PCDH9: variants seen among roughly 807,000 people sequenced by gnomAD.
PCDH9 encodes protocadherin-9.
Under a neutral mutation model 70.6 loss-of-function variants are expected in PCDH9, and 24 were observed. That is an observed-to-expected ratio of 0.34 (90% CI 0.25 to 0.48). The LOEUF (loss-of-function observed/expected upper bound fraction) is 0.48. Ranked by LOEUF, PCDH9 falls within the 20% of genes least tolerant of loss-of-function variation. PCDH9 has a pLI of 0.99. For synonymous variants in PCDH9, 562 were observed against 558.5 expected (o/e 1.01, Z -0.09); for missense variants, 1,281 against 1,503.6 (o/e 0.85, Z 2.45).
intron 3 of PCDH9, among the ~76,000 whole-genome samples, chr13:66,751,376 G>T (rs373305466): frequency 1.8e-4 from 28 of 151,960 alleles, no homozygotes; most frequent in Non-Finnish European, 3.4e-4. Context: ...TTAATGTCAA[G>T]ACATAAAATA....
At chr13:66,859,855 A>C (rs923862808) in intron 3 of PCDH9, among the ~76,000 whole-genome samples, 47 of 152,114 alleles carry the variant, frequency 3.1e-4, no homozygotes, top group African/African-American at 1.1e-3. Context: ...ATGCACCCCT[A>C]CTAATACAAA....
chr13:66,763,819 G>A (rs73210208), intron 3 of PCDH9, among the ~76,000 whole-genome samples: 9,209 of 151,512 alleles, frequency 0.061, 385 homozygotes, highest in East Asian at 0.14. Flanking sequence ...TTTTTGAGAC[G>A]GAGTCCTGAT....
intron 4 of PCDH9, among the ~76,000 whole-genome samples, chr13:66,578,490 A>G (rs1038933325): frequency 3.9e-5 from 6 of 152,118 alleles, no homozygotes; most frequent in Middle Eastern, 3.4e-3. Context: ...ATCATTCTAC[A>G]TGTTTGTTGA....
chr13:66,888,384 C>T (rs2139559584), intron 3 of PCDH9, among the ~76,000 whole-genome samples: 1 of 151,870 alleles, frequency 6.6e-6, no homozygotes, highest in East Asian at 1.9e-4. Flanking sequence ...AACTTGCAGT[C>T]CCAGCTACTC....
At chr13:66,480,162 T>C (rs1958811996) in intron 4 of PCDH9, among the ~76,000 whole-genome samples, 1 of 152,126 alleles carries the variant, frequency 6.6e-6, no homozygotes, top group Non-Finnish European at 1.5e-5. Context: ...CTCTCACAGA[T>C]TACTTTGAGA....
At chr13:66,610,364 T>C (rs1413507274) in intron 4 of PCDH9, among the ~76,000 whole-genome samples, 1 of 152,118 alleles carries the variant, frequency 6.6e-6, no homozygotes, top group Non-Finnish European at 1.5e-5. Context: ...TTCAATTTGC[T>C]TGATTCTGAA....
At chr13:66,723,785 A>G (rs754598900) in intron 3 of PCDH9, among the ~76,000 whole-genome samples, 8 of 152,222 alleles carry the variant, frequency 5.3e-5, no homozygotes, top group Non-Finnish European at 8.8e-5. Flanking sequence ...ACAGTGCAAC[A>G]TGCCCAGAAT....
At chr13:66,339,774 C>A (rs1593825231) in intron 4 of PCDH9, among the ~76,000 whole-genome samples, 1 of 152,108 alleles carries the variant, frequency 6.6e-6, no homozygotes, top group Admixed American at 6.6e-5. Flanking sequence ...TCTATCCACA[C>A]TTTGGAGGCA....
intron 3 of PCDH9, among the ~76,000 whole-genome samples, chr13:66,818,030 T>C (rs1410464054): frequency 6.6e-6 from 1 of 152,184 alleles, no homozygotes; most frequent in African/African-American, 2.4e-5. Context: ...TACAAATAAA[T>C]CACTGATGCT....
chr13:66,770,645 G>A (rs1401115800), intron 3 of PCDH9, among the ~76,000 whole-genome samples: 5 of 152,130 alleles, frequency 3.3e-5, no homozygotes, highest in Non-Finnish European at 5.9e-5. Flanking sequence ...ATTAAACCCA[G>A]GGATAAGTCA....
intron 4 of PCDH9, among the ~76,000 whole-genome samples, chr13:66,493,027 C>G (rs1449875179): frequency 6.6e-6 from 1 of 152,058 alleles, no homozygotes; most frequent in African/African-American, 2.4e-5. Context: ...AAACTGCGAT[C>G]TAGACTAGAA....
chr13:67,178,987 T>C (rs2088541633), intron 2 of PCDH9, among the ~76,000 whole-genome samples: 1 of 152,240 alleles, frequency 6.6e-6, no homozygotes, highest in East Asian at 1.9e-4. Context: ...CCAGTTCTAC[T>C]GTAAAGTCCA....
At chr13:66,759,330 G>T (rs1050423104) in intron 3 of PCDH9, among the ~76,000 whole-genome samples, 1 of 151,802 alleles carries the variant, frequency 6.6e-6, no homozygotes, top group Non-Finnish European at 1.5e-5. Context: ...GTTGCCATTT[G>T]CTTGGAATAT....
chr13:66,556,916 T>C (rs1293554979), intron 4 of PCDH9, among the ~76,000 whole-genome samples: 1 of 152,154 alleles, frequency 6.6e-6, no homozygotes, highest in Non-Finnish European at 1.5e-5. Context: ...GATTGGCAGC[T>C]ATGTTATATT....
At chr13:66,497,220 C>T (rs1189565265) in intron 4 of PCDH9, among the ~76,000 whole-genome samples, 1 of 151,756 alleles carries the variant, frequency 6.6e-6, no homozygotes, top group Non-Finnish European at 1.5e-5. Context: ...AAGCATGTGT[C>T]ACCACACCTG....
intron 4 of PCDH9, among the ~76,000 whole-genome samples, chr13:66,357,592 T>C (rs1210768426): frequency 6.6e-6 from 1 of 152,068 alleles, no homozygotes; most frequent in Non-Finnish European, 1.5e-5. Flanking sequence ...TAGGAACATA[T>C]ATAACTCCAT....
At chr13:66,776,014 G>A (rs1418297971) in intron 3 of PCDH9, among the ~76,000 whole-genome samples, 1 of 152,058 alleles carries the variant, frequency 6.6e-6, no homozygotes, top group Non-Finnish European at 1.5e-5. Flanking sequence ...TTTGTCTCAG[G>A]TCATTTGACA....
At chr13:66,665,390 G>A (rs932273770) in intron 3 of PCDH9, among the ~76,000 whole-genome samples, 9 of 152,022 alleles carry the variant, frequency 5.9e-5, no homozygotes, top group African/African-American at 1.9e-4. Flanking sequence ...GAGCCACCGC[G>A]CCTGACCAGA....
intron 4 of PCDH9, among the ~76,000 whole-genome samples, chr13:66,501,541 TC>T (rs1335836255): frequency 1.2e-4 from 19 of 152,222 alleles, no homozygotes; most frequent in African/African-American, 3.8e-4. Flanking sequence ...CTATAAATGA[TC>T]TCTTCCTCAT....
Sources: allele counts gnomAD v4.1 joint callset (sites outside exome capture counted in the v4.1 genomes callset), GRCh38; gene constraint gnomAD v4.1.1; transcripts MANE v1.5; gene names NCBI Gene and HGNC (gene_info 2026-07-23, HGNC 2026-07-21).